Variants in POLR1A observed in about 807,000 individuals in gnomAD.
POLR1A encodes RNA polymerase I subunit A, also known as DNA-directed RNA polymerase I subunit RPA1.
Under a neutral mutation model 205.3 loss-of-function variants are expected in POLR1A, and 84 were observed. The observed-to-expected ratio is 0.41, with a 90% confidence interval of 0.34 to 0.49. The LOEUF (loss-of-function observed/expected upper bound fraction) is 0.49, where lower values mean the gene tolerates loss of function less well. Among genes scored for constraint, POLR1A ranks in the 20% least tolerant of loss-of-function variants. POLR1A has a pLI of 0.22. For synonymous variants in POLR1A, 799 were observed against 863.7 expected, an observed-to-expected ratio of 0.93 and a Z score of 1.31; for missense variants, 1,645 against 2,204.5, an observed-to-expected ratio of 0.75 and a Z score of 5.08.
At chr2:86,051,038 C>T (rs1281904790) in intron 16 of POLR1A, among the ~76,000 whole-genome samples, 1 of 152,224 alleles carries the variant, frequency 6.6e-6, no homozygotes, top group African/African-American at 2.4e-5. Flanking sequence ...CTCATCCCAG[C>T]AATAATGTGA....
At position 86,049,213 on chromosome 2, in the gene POLR1A, C is replaced by T; in HGVS notation, c.2422G>A (p.Ala808Thr). 2 of 1,614,052 alleles carry T rather than the reference C, an allele frequency of 1.2e-6. No homozygotes were observed. The highest frequency in any genetic ancestry group is 1.7e-6 in the Non-Finnish European group (2 of 1,179,916). ...ATGATACGTTGCCTCTTGACATCTG[C>T]CTTTGGCTTCACCAAAATGTCTTCC... ...GVEDILVKPKADVKRQRIIEE... is the reference protein window; with the variant it reads ...GVEDILVKPKTDVKRQRIIEE... Residue 808 changes from alanine to threonine, a missense_variant, in exon 17 of 34, where the codon GCA becomes ACA. Physicochemically the swap from Ala to Thr is moderately conservative, Grantham distance 58. Transcript: ENST00000263857.
chr2:86,053,621 G>A (rs1672845504), intron 15 of POLR1A, among the ~76,000 whole-genome samples: 2 of 152,204 alleles, frequency 1.3e-5, no homozygotes, highest in African/African-American at 4.8e-5. Context: ...AAAGAAACCT[G>A]GCAGTTTCGG....
rs1050482499 is a variant in POLR1A, at chr2:86,023,656, T to A, written c.*3767A>T. ...AAAATGGTGTAGCTGCTGTGGAAAA[T>A]GGGACAGCAGTTCCCCCAGAAAAAT... is the stretch of plus-strand genomic sequence containing the variant. On this transcript the variant is annotated 3_prime_UTR_variant, in exon 34 of 34. Coordinates refer to ENST00000263857, the MANE Select transcript of POLR1A (RefSeq NM_015425.6). The A allele has an allele frequency of 4.6e-5, 7 of 151,986 alleles. No homozygotes were observed. The highest frequency in any genetic ancestry group is 1.7e-4 in the African/African-American group (7 of 41,368). The allele number at this position is 151,986 out of a possible 1,614,324, so 9.4% of individuals were successfully genotyped here.
Position 86,024,755 on chromosome 2 carries a change from G to C in POLR1A, c.*2668C>G, listed in dbSNP as rs952195500. On this transcript the variant is annotated 3_prime_UTR_variant, in exon 34 of 34. Transcript: ENST00000263857. ...CAAATAAAAAAACTGTTAGAAGCAA[G>C]CAAGTAGGTATGGATATCACCCCAA... The C allele has an allele frequency of 2.0e-5, 3 of 152,196 alleles. No homozygotes were observed. Among genetic ancestry groups the C allele is most frequent in the Non-Finnish European group, 4.4e-5 (3 of 68,056 alleles). The allele number at this position is 152,196 out of a possible 1,614,324, so 9.4% of individuals were successfully genotyped here. A position where few individuals can be genotyped will look rare whatever the true frequency, so the allele number is the denominator to read the frequency against.
rs773635986 is a variant in POLR1A, at chr2:86,088,859, C to A, written c.552G>T (p.Val184=). Residue 184 remains valine, a synonymous_variant, in exon 5 of 34, where the codon GTG becomes GTT. Coordinates refer to ENST00000263857, the MANE Select transcript of POLR1A (RefSeq NM_015425.6). ...CAATGAGCTTGCTCTTGCTCTCACA[C>A]ACGTTCTTTACCTGTTTTTTTAAAA... ...LGSQGAHVKN[V]CESKSKLIAL... 37 of 1,613,036 alleles carry A rather than the reference C, an allele frequency of 2.3e-5. 1 individual carries two copies. The Middle Eastern group carries it at 4.9e-4, about 22-fold the overall frequency.
intron 31 of POLR1A, among the ~76,000 whole-genome samples, chr2:86,029,059 C>T (rs1672327733): frequency 6.6e-6 from 1 of 152,246 alleles, no homozygotes; most frequent in African/African-American, 2.4e-5. Context: ...AAGGAAAGTT[C>T]CCCTAGCAGC....
intron 21 of POLR1A, 49 bp downstream of exon 21, chr2:86,045,229 G>A (rs1316277348): frequency 5.1e-6 from 6 of 1,185,856 alleles, no homozygotes; most frequent in Non-Finnish European, 7.4e-6. Flanking sequence ...GATGATGGCA[G>A]GAAGGGCCCT....
chr2:86,048,077 G>C (rs368798377), intron 18 of POLR1A, among the ~76,000 whole-genome samples: 11 of 152,230 alleles, frequency 7.2e-5, no homozygotes, highest in African/African-American at 2.6e-4. Flanking sequence ...ATGAGAAGTC[G>C]GTCTTCTCAG....
intron 14 of POLR1A, among the ~76,000 whole-genome samples, chr2:86,059,755 G>A (rs1411618108): frequency 1.3e-5 from 2 of 152,056 alleles, no homozygotes; most frequent in Non-Finnish European, 2.9e-5. Context: ...TAGTAGAGAC[G>A]GGGTTTTGCC....
chr2:86,043,269 G>A (rs1672651110), intron 22 of POLR1A, 74 bp from the exon 23 acceptor site: 2 of 1,267,136 alleles, frequency 1.6e-6, no homozygotes, highest in Non-Finnish European at 2.3e-6. Context: ...GTGACAAGAG[G>A]GCCATGGAGC....
intron 11 of POLR1A, among the ~76,000 whole-genome samples, chr2:86,076,307 C>A (rs1043864131): frequency 2.6e-5 from 4 of 152,334 alleles, no homozygotes; most frequent in African/African-American, 9.6e-5. Flanking sequence ...TGGGGCTACC[C>A]CAGCCTCTGC....
chr2:86,056,494 T>C (rs1354406859), intron 14 of POLR1A, among the ~76,000 whole-genome samples: 1 of 149,578 alleles, frequency 6.7e-6, no homozygotes, highest in Admixed American at 6.6e-5. Flanking sequence ...AGCGAGAAGA[T>C]CTAGCTAAGA....
At position 86,048,869 on chromosome 2, in the gene POLR1A, CA is replaced by C. The variant is rs778490838; in HGVS notation, c.2634+14del. ...TCATAGTGGTGGGGATAAATGCATG[CA>C]ATGCTGGGCTAACCTTGTTAATCTC... is the stretch of plus-strand genomic sequence containing the variant. On this transcript the variant is annotated intron_variant, in intron 18 of 33. Coordinates refer to ENST00000263857, the MANE Select transcript of POLR1A (RefSeq NM_015425.6). The C allele has an allele frequency of 8.7e-5, 140 of 1,608,702 alleles. No homozygotes were observed. Among genetic ancestry groups the C allele is most frequent in the Non-Finnish European group, 1.1e-4 (129 of 1,175,440 alleles).
chr2:86,075,429 T>G (rs1673263512), intron 11 of POLR1A, among the ~76,000 whole-genome samples, 169 bp from the exon 12 acceptor site: 1 of 152,226 alleles, frequency 6.6e-6, no homozygotes, highest in Admixed American at 6.5e-5. Flanking sequence ...TGTCTTCTGC[T>G]ACTCCCTTAA....
intron 27 of POLR1A, among the ~76,000 whole-genome samples, chr2:86,037,760 A>G (rs1029745329): frequency 1.3e-5 from 2 of 152,268 alleles, no homozygotes; most frequent in Admixed American, 6.5e-5. Flanking sequence ...GGAGACCTCA[A>G]TTATATAAAA....
At chr2:86,071,003 G>A (rs1673168339) in intron 12 of POLR1A, among the ~76,000 whole-genome samples, 2 of 152,010 alleles carry the variant, frequency 1.3e-5, no homozygotes. Flanking sequence ...ATTTACAGCG[G>A]CAAAAACTAG....
chr2:86,027,208 G>A lies in POLR1A; in HGVS notation c.*215C>T, dbSNP rs1672275558. ...AACCTTGATAAAAATCCAGAGACAG[G>A]GAGGGGCAAGGATGAGCAACTCTGT... On this transcript the variant is annotated 3_prime_UTR_variant, in exon 34 of 34. Coordinates refer to ENST00000263857, the MANE Select transcript of POLR1A (RefSeq NM_015425.6). The A allele has an allele frequency of 3.4e-6, 2 of 586,910 alleles. No homozygotes were observed. The highest frequency in any genetic ancestry group is 6.1e-6 in the Non-Finnish European group (2 of 328,626). The allele number at this position is 586,910 out of a possible 1,614,324, so 36.4% of individuals were successfully genotyped here. A position where few individuals can be genotyped will look rare whatever the true frequency, so the allele number is the denominator to read the frequency against.
In POLR1A at chr2:86,103,593, C is replaced by T. The variant is rs149174651; in HGVS notation, c.77+2107G>A. On this transcript the variant is annotated intron_variant, in intron 1 of 33. Transcript: ENST00000263857. ...TTCTGCTTTTGGATGAAATCGTATC[C>T]ACTTATGGCAGTGATGATATAATTG... 5.3e-5 allele frequency among the ~76,000 whole-genome samples: 8 copies of T among 152,258 alleles called. No homozygotes were observed. The East Asian group carries it at 1.3e-3, about 26-fold the overall frequency.
intron 23 of POLR1A, 150 bp from the exon 24 acceptor site, chr2:86,042,253 A>G: frequency 1.5e-6 from 1 of 646,774 alleles, no homozygotes; most frequent in Non-Finnish European, 2.7e-6. Context: ...ATGGGGAGAG[A>G]CTTCAACCTG....
Sources: allele counts gnomAD v4.1 joint callset (sites outside exome capture counted in the v4.1 genomes callset), GRCh38; gene constraint gnomAD v4.1.1; transcripts MANE v1.5; gene names NCBI Gene and HGNC (gene_info 2026-07-23, HGNC 2026-07-21).